Variants in ADAMTS3 observed in about 807,000 individuals in gnomAD.
ADAMTS3 encodes A disintegrin and metalloproteinase with thrombospondin motifs 3.
ADAMTS3 carries 73 observed loss-of-function variants against 129.0 expected under a neutral mutation model. That is an observed-to-expected ratio of 0.57 (90% CI 0.47 to 0.69). ADAMTS3 has a LOEUF of 0.69. Among genes scored for constraint, ADAMTS3 ranks in the 30% least tolerant of loss-of-function variants. The pLI, the probability that ADAMTS3 is intolerant of heterozygous loss-of-function variation, is 0.00. For synonymous variants in ADAMTS3, 477 were observed against 510.8 expected, an observed-to-expected ratio of 0.93 and a Z score of 0.89; for missense variants, 1,457 against 1,514.5, an observed-to-expected ratio of 0.96 and a Z score of 0.63.
intron 3 of ADAMTS3, among the ~76,000 whole-genome samples, chr4:72,540,593 C>T (rs1483992200): frequency 1.3e-5 from 2 of 152,216 alleles, no homozygotes; most frequent in Non-Finnish European, 2.9e-5. Flanking sequence ...CCCCTACCAT[C>T]ACACACCCGG....
intron 21 of ADAMTS3, among the ~76,000 whole-genome samples, chr4:72,286,633 G>A (rs1718512108): frequency 6.6e-6 from 1 of 152,272 alleles, no homozygotes; most frequent in East Asian, 1.9e-4. Context: ...GGAGGCCAAG[G>A]AAAAAGCAAC....
chr4:72,283,037 G>T lies in ADAMTS3; in HGVS notation c.*99C>A, dbSNP rs553986691. 19 of 1,025,972 alleles carry T rather than the reference G, an allele frequency of 1.9e-5. No homozygotes were observed. In the East Asian group the frequency reaches 4.1e-4, roughly 22 times the overall value. 63.6% of individuals were successfully genotyped at this position (1,025,972 alleles called of 1,614,324 possible). ...CCAATTACAGATAAAATGAGCTGAC[G>T]ATCTATAGAGATTTCCACTTTAAAC... On this transcript the variant is annotated 3_prime_UTR_variant, in exon 22 of 22. Transcript: ENST00000286657.
At chr4:72,447,531 T>C (rs1340782063) in intron 3 of ADAMTS3, among the ~76,000 whole-genome samples, 2 of 151,780 alleles carry the variant, frequency 1.3e-5, no homozygotes, top group African/African-American at 2.4e-5. Flanking sequence ...TTCTCCATAA[T>C]GCCACATTGG....
intron 2 of ADAMTS3, among the ~76,000 whole-genome samples, chr4:72,551,376 G>T (rs1721642251): frequency 1.3e-5 from 2 of 151,852 alleles, no homozygotes; most frequent in South Asian, 4.2e-4. Flanking sequence ...TATACTGTCA[G>T]GTATTATGTT....
chr4:72,320,016 GA>G, intron 7 of ADAMTS3, 53 bp from the exon 8 acceptor site: 7 of 1,482,452 alleles, frequency 4.7e-6, no homozygotes, highest in Non-Finnish European at 6.6e-6. Context: ...AACCCATTAA[GA>G]ATTACAACTG....
At chr4:72,352,896 C>T (rs185299154) in intron 4 of ADAMTS3, among the ~76,000 whole-genome samples, 9 of 151,846 alleles carry the variant, frequency 5.9e-5, no homozygotes, top group African/African-American at 1.7e-4. Context: ...CTGGGAAATG[C>T]GGTTACTAAG....
Position 72,415,332 on chromosome 4 carries a change from C to A in ADAMTS3, c.505-361G>T, listed in dbSNP as rs192669037. Among the ~76,000 whole-genome samples, 43 of 151,806 alleles carry A rather than the reference C, an allele frequency of 2.8e-4. No homozygotes were observed. The East Asian group carries it at 5.0e-3, about 18-fold the overall frequency. On this transcript the variant is annotated intron_variant, in intron 3 of 21. Coordinates refer to ENST00000286657, the MANE Select transcript of ADAMTS3 (RefSeq NM_014243.3). ...AAGAATCATATGGGACACATAAATT[C>A]AAAAAATCTCTAATTTCCCAAAATA...
At chr4:72,417,713 G>A (rs1182299367) in intron 3 of ADAMTS3, among the ~76,000 whole-genome samples, 3 of 151,798 alleles carry the variant, frequency 2.0e-5, no homozygotes, top group African/African-American at 4.8e-5. Context: ...GGCGGATCAT[G>A]AAGTCAGGAG....
intron 3 of ADAMTS3, among the ~76,000 whole-genome samples, chr4:72,454,918 G>A (rs1373596619): frequency 6.6e-6 from 1 of 151,618 alleles, no homozygotes; most frequent in Non-Finnish European, 1.5e-5. Context: ...AAATATATTT[G>A]ATAATTCAAC....
intron 4 of ADAMTS3, among the ~76,000 whole-genome samples, chr4:72,373,050 C>A (rs1439745568): frequency 1.3e-5 from 2 of 152,078 alleles, no homozygotes; most frequent in African/African-American, 2.4e-5. Flanking sequence ...TTAGCATAAT[C>A]CCCGTTAAAA....
intron 5 of ADAMTS3, among the ~76,000 whole-genome samples, chr4:72,326,522 G>A (rs559959478): frequency 6.6e-6 from 1 of 152,152 alleles, no homozygotes; most frequent in South Asian, 2.1e-4. Flanking sequence ...CGGATAAACT[G>A]AGTGACCTTC....
chr4:72,533,274 TAC>T (rs1161086389), intron 3 of ADAMTS3, among the ~76,000 whole-genome samples: 3 of 152,138 alleles, frequency 2.0e-5, no homozygotes, highest in Non-Finnish European at 2.9e-5. Flanking sequence ...ACCTTAGGCC[TAC>T]ACAGAGTCAG....
At chr4:72,566,750 G>A (rs887697226) in intron 2 of ADAMTS3, among the ~76,000 whole-genome samples, 1 of 152,182 alleles carries the variant, frequency 6.6e-6, no homozygotes, top group Non-Finnish European at 1.5e-5. Context: ...CCTGTTGCAA[G>A]TCACTTACAC....
chr4:72,456,061 T>A (rs1165745632), intron 3 of ADAMTS3, among the ~76,000 whole-genome samples: 1 of 30,474 alleles, frequency 3.3e-5, no homozygotes. Flanking sequence ...TATATATATT[T>A]TACATATAGT....
Position 72,283,068 on chromosome 4 carries a change from T to C in ADAMTS3, c.*68A>G. 3 of 1,329,832 alleles carry C rather than the reference T, an allele frequency of 2.3e-6. No individual in the cohort carries two copies. Among genetic ancestry groups the C allele is most frequent in the Non-Finnish European group, 3.1e-6 (3 of 956,686 alleles). 82.4% of individuals were successfully genotyped at this position (1,329,832 alleles called of 1,614,324 possible). On this transcript the variant is annotated 3_prime_UTR_variant, in exon 22 of 22. Coordinates refer to ENST00000286657, the MANE Select transcript of ADAMTS3 (RefSeq NM_014243.3). ...TAGAGATTTCCACTTTAAACAAGCA[T>C]ATGCACCATGGGAAGAGAGAGGTTG...
chr4:72,403,321 T>C (rs181453531), intron 4 of ADAMTS3, among the ~76,000 whole-genome samples: 279 of 152,232 alleles, frequency 1.8e-3, no homozygotes, highest in African/African-American at 6.3e-3. Flanking sequence ...CTGATGTGCA[T>C]AGATAACCCT....
At chr4:72,383,317 T>C (rs1441286511) in intron 4 of ADAMTS3, among the ~76,000 whole-genome samples, 1 of 152,200 alleles carries the variant, frequency 6.6e-6, no homozygotes, top group Non-Finnish European at 1.5e-5. Context: ...AGAGGAGCTG[T>C]CACTTGGAAG....
intron 3 of ADAMTS3, among the ~76,000 whole-genome samples, chr4:72,507,188 G>T (rs75977319): frequency 6.6e-6 from 1 of 152,080 alleles, no homozygotes. Flanking sequence ...TTTTAAAAAA[G>T]AACTACAAAG....
chr4:72,516,077 C>G (rs1443685059), intron 3 of ADAMTS3, among the ~76,000 whole-genome samples: 1 of 152,098 alleles, frequency 6.6e-6, no homozygotes, highest in Non-Finnish European at 1.5e-5. Flanking sequence ...TTCCCAGCAC[C>G]ATTTATTAAA....
Sources: gnomAD v4.1 joint callset for allele counts (sites outside exome capture counted in the v4.1 genomes callset) on GRCh38, gnomAD v4.1.1 for gene constraint, MANE v1.5 for transcripts, NCBI Gene and HGNC (gene_info 2026-07-23, HGNC 2026-07-21) for gene names.